ELAPOR1: variants seen among roughly 807,000 people sequenced by gnomAD.
The protein encoded by ELAPOR1 is endosome-lysosome associated apoptosis and autophagy regulator 1, also known as endosome/lysosome-associated apoptosis and autophagy regulator 1.
ELAPOR1 carries 77 observed loss-of-function variants against 119.7 expected under a neutral mutation model. The observed-to-expected ratio is 0.64, with a 90% CI of 0.54 to 0.78. ELAPOR1 has a LOEUF of 0.78. ELAPOR1 is among the 30% of genes least tolerant of loss of function. The pLI is 0.00. For synonymous variants in ELAPOR1, 481 were observed against 487.2 expected, an observed-to-expected ratio of 0.99 and a Z score of 0.17; for missense variants, 1,115 against 1,270.4, an observed-to-expected ratio of 0.88 and a Z score of 1.86.
In ELAPOR1 at chr1:109,200,047, T is replaced by TC. The variant is rs1557704177; in HGVS notation, c.2629-11dup. On this transcript the variant is annotated splice_polypyrimidine_tract_variant and intron_variant, in intron 19 of 21. Transcript: ENST00000369939. ...ATGGGAGATCTGAGTTCCTTGTTTT[T>TC]CTCCCCAACAGAAGACTACTTACGT... is the stretch of plus-strand genomic sequence containing the variant. 9.9e-6 allele frequency: 16 copies of TC among 1,613,062 alleles called. No individual in the cohort carries two copies. Among genetic ancestry groups the TC allele is most frequent in the Non-Finnish European group, 1.4e-5 (16 of 1,179,104 alleles).
At chr1:109,159,828 C>G (rs1651137672) in intron 1 of ELAPOR1, among the ~76,000 whole-genome samples, 1 of 152,144 alleles carries the variant, frequency 6.6e-6, no homozygotes, top group African/African-American at 2.4e-5. Flanking sequence ...CACAAAAGAC[C>G]AGCATGAATA....
At chr1:109,195,229 C>T (rs772103946) in intron 15 of ELAPOR1, among the ~76,000 whole-genome samples, 6 of 152,152 alleles carry the variant, frequency 3.9e-5, no homozygotes, top group Non-Finnish European at 7.3e-5. Flanking sequence ...CGCGGTGGCT[C>T]ACGCCTGTAA....
chr1:109,172,082 A>G, intron 4 of ELAPOR1, 69 bp downstream of exon 4: 1 of 1,552,742 alleles, frequency 6.4e-7, no homozygotes, highest in Non-Finnish European at 8.9e-7. Context: ...CGTTTGAGGA[A>G]TCCATCATGA....
At chr1:109,133,022 G>A (rs1649244876) in intron 1 of ELAPOR1, among the ~76,000 whole-genome samples, 1 of 152,140 alleles carries the variant, frequency 6.6e-6, no homozygotes, top group South Asian at 2.1e-4. Flanking sequence ...TTGAGTCCAG[G>A]AGCTGAAGAC....
chr1:109,167,855 C>T (rs930159192), intron 3 of ELAPOR1, among the ~76,000 whole-genome samples: 1 of 152,084 alleles, frequency 6.6e-6, no homozygotes, highest in Non-Finnish European at 1.5e-5. Context: ...ATGATCCTTC[C>T]GCCTCAACCT....
chr1:109,125,972 C>A (rs942850820), intron 1 of ELAPOR1, among the ~76,000 whole-genome samples: 2 of 152,244 alleles, frequency 1.3e-5, no homozygotes, highest in East Asian at 3.8e-4. Context: ...TTCTCCCACA[C>A]TACGCCAGCC....
At chr1:109,153,709 G>A (rs1480263780) in intron 1 of ELAPOR1, among the ~76,000 whole-genome samples, 2 of 151,834 alleles carry the variant, frequency 1.3e-5, no homozygotes, top group Admixed American at 6.6e-5. Flanking sequence ...GTGCGGTCTC[G>A]GTTCACTGCA....
intron 10 of ELAPOR1, 125 bp from the exon 11 acceptor site, chr1:109,189,467 T>C: frequency 2.2e-6 from 2 of 889,686 alleles, no homozygotes; most frequent in African/African-American, 1.6e-5. Flanking sequence ...ACACGGTTCA[T>C]GTTCAGTGGT....
At chr1:109,147,482 AC>A (rs1446703254) in intron 1 of ELAPOR1, among the ~76,000 whole-genome samples, 1 of 152,140 alleles carries the variant, frequency 6.6e-6, no homozygotes, top group Non-Finnish European at 1.5e-5. Flanking sequence ...AGCACAGACA[AC>A]TTTTAGGGCA....
At chr1:109,173,915 G>A in intron 7 of ELAPOR1, 78 bp downstream of exon 7, 1 of 1,496,234 alleles carries the variant, frequency 6.7e-7, no homozygotes, top group Non-Finnish European at 9.2e-7. Flanking sequence ...AGGGAATAGA[G>A]CCATCCTTCT....
chr1:109,148,735 G>T (rs1160673101), intron 1 of ELAPOR1, among the ~76,000 whole-genome samples: 1 of 152,180 alleles, frequency 6.6e-6, no homozygotes, highest in Non-Finnish European at 1.5e-5. Flanking sequence ...TAGATTGCCT[G>T]GTTCTGACAT....
At position 109,197,651 on chromosome 1, in the gene ELAPOR1, A is replaced by G; in HGVS notation, c.2299A>G (p.Ile767Val). 6.2e-7 allele frequency: 1 copy of G among 1,613,378 alleles called. No individual in the cohort carries two copies. ...GCCTGTCAGCCTTGCTGATCGACTT[A>G]TTGGTGAGTAACTCCGCTGCCTCAG... Reference protein sequence around the residue: ...SQPVSLADRLIGVTTDMTLDG... With the variant: ...SQPVSLADRLVGVTTDMTLDG... Residue 767 changes from isoleucine to valine, a missense_variant, in exon 16 of 22, where the codon ATT becomes GTT. Transcript: ENST00000369939.
chr1:109,126,475 C>T (rs1648784997), intron 1 of ELAPOR1, among the ~76,000 whole-genome samples: 1 of 151,948 alleles, frequency 6.6e-6, no homozygotes, highest in Non-Finnish European at 1.5e-5. Context: ...TCTAAAAAAG[C>T]ACTTTTTTTT....
At chr1:109,118,621 G>T (rs1648180926) in intron 1 of ELAPOR1, among the ~76,000 whole-genome samples, 1 of 152,174 alleles carries the variant, frequency 6.6e-6, no homozygotes, top group South Asian at 2.1e-4. Flanking sequence ...TGCTGACGGT[G>T]GAGGTTAGAG....
chr1:109,156,942 G>C (rs545649273), intron 1 of ELAPOR1, among the ~76,000 whole-genome samples: 8 of 152,314 alleles, frequency 5.3e-5, no homozygotes, highest in Non-Finnish European at 8.8e-5. Flanking sequence ...CTCCCAGAGA[G>C]GTGCTTCTCT....
intron 1 of ELAPOR1, among the ~76,000 whole-genome samples, chr1:109,153,980 T>C (rs1471655111): frequency 6.6e-6 from 1 of 152,072 alleles, no homozygotes. Flanking sequence ...AACTAAGATG[T>C]GCTATTTTGA....
chr1:109,136,405 G>A (rs35849067), intron 1 of ELAPOR1, among the ~76,000 whole-genome samples: 16,428 of 152,182 alleles, frequency 0.11, 1,289 homozygotes, highest in African/African-American at 0.22. Context: ...GCAGAAGCAG[G>A]GGCCAGATTC....
At chr1:109,173,154 T>G (rs2101061279) in intron 5 of ELAPOR1, among the ~76,000 whole-genome samples, 1 of 147,888 alleles carries the variant, frequency 6.8e-6, no homozygotes, top group Non-Finnish European at 1.5e-5. Context: ...GCTGTCCCCC[T>G]GCAAAACCAC....
At position 109,205,260 on chromosome 1, in the gene ELAPOR1, C is replaced by T. The variant is rs1168743571; in HGVS notation, c.*2248C>T. The stretch of plus-strand genomic sequence containing the variant: ...CATGATTTGTGCCTGTGCCCTTTCT[C>T]CAGTGACCATTTGGTGACCAGATGG... On this transcript the variant is annotated 3_prime_UTR_variant, in exon 22 of 22. Transcript: ENST00000369939. 6.6e-6 allele frequency: 1 copy of T among 152,182 alleles called. No homozygotes were observed. The highest frequency in any genetic ancestry group is 2.4e-5 in the African/African-American group (1 of 41,424). 9.4% of individuals were successfully genotyped at this position (152,182 alleles called of 1,614,324 possible). A position where few individuals can be genotyped will look rare whatever the true frequency, so the allele number is the denominator to read the frequency against.
Sources: gnomAD v4.1 joint callset for allele counts (sites outside exome capture counted in the v4.1 genomes callset) on GRCh38, gnomAD v4.1.1 for gene constraint, MANE v1.5 for transcripts, NCBI Gene and HGNC (gene_info 2026-07-23, HGNC 2026-07-21) for gene names.